DENND1A: variants seen among roughly 807,000 people sequenced by gnomAD.
DENND1A encodes the protein DENN domain-containing protein 1A.
Under a neutral mutation model 113.7 loss-of-function variants are expected in DENND1A, and 51 were observed. The observed-to-expected ratio is 0.45, with a 90% CI of 0.36 to 0.57. The LOEUF (loss-of-function observed/expected upper bound fraction) is 0.57, where lower values mean the gene tolerates loss of function less well. Ranked by LOEUF, DENND1A falls within the 20% of genes least tolerant of loss-of-function variation. DENND1A has a pLI of 0.00. For synonymous variants in DENND1A, 565 were observed against 570.8 expected (o/e 0.99, Z 0.14); for missense variants, 1,258 against 1,395.9 (o/e 0.90, Z 1.57).
At chr9:123,665,828 T>C (rs2063468851) in intron 8 of DENND1A, among the ~76,000 whole-genome samples, 1 of 152,220 alleles carries the variant, frequency 6.6e-6, no homozygotes, top group Non-Finnish European at 1.5e-5. Flanking sequence ...GATGAACAGA[T>C]ACGCAAAATG....
At chr9:123,387,589 G>T (rs1410106889) in intron 22 of DENND1A, 141 bp downstream of exon 22, 69 of 960,780 alleles carry the variant, frequency 7.2e-5, no homozygotes, top group Non-Finnish European at 9.5e-5. Context: ...CTGCATGTTG[G>T]CACTGGGGCA....
intron 2 of DENND1A, among the ~76,000 whole-genome samples, chr9:123,818,987 A>G (rs1020213480): frequency 6.6e-6 from 1 of 152,258 alleles, no homozygotes; most frequent in African/African-American, 2.4e-5. Context: ...CCAGCAAGTC[A>G]GCATCACCTA....
intron 1 of DENND1A, among the ~76,000 whole-genome samples, chr9:123,903,728 C>G (rs1414507826): frequency 6.6e-6 from 1 of 152,236 alleles, no homozygotes; most frequent in Non-Finnish European, 1.5e-5. Context: ...CCTACACCCA[C>G]GGTGTCTCGC....
At chr9:123,729,999 G>T (rs2130842693) in intron 5 of DENND1A, among the ~76,000 whole-genome samples, 1 of 152,234 alleles carries the variant, frequency 6.6e-6, no homozygotes, top group Admixed American at 6.5e-5. Context: ...AGAAAAACAA[G>T]CAATGGGAAA....
At chr9:123,602,596 C>A (rs560044040) in intron 11 of DENND1A, among the ~76,000 whole-genome samples, 6 of 152,238 alleles carry the variant, frequency 3.9e-5, no homozygotes, top group Non-Finnish European at 7.3e-5. Flanking sequence ...AAGTCTCCTC[C>A]AACCCTTTCC....
intron 5 of DENND1A, among the ~76,000 whole-genome samples, chr9:123,754,171 T>C (rs1384447997): frequency 6.6e-6 from 1 of 152,094 alleles, no homozygotes; most frequent in South Asian, 2.1e-4. Flanking sequence ...AGAGAAAGTA[T>C]CTAAAGGAAG....
In DENND1A at chr9:123,382,295, T is replaced by C; in HGVS notation, c.2350A>G (p.Lys784Glu). The C allele has an allele frequency of 6.2e-7, 1 of 1,610,968 alleles. No individual in the cohort carries two copies. Residue 784 changes from lysine (K) to glutamate (E), a missense_variant, in exon 24 of 24, where the codon AAG becomes GAG. This residue lies in a region of DENND1A where 1,159 missense variants were observed against 1,231.7 expected (regional missense o/e 0.94). Transcript: ENST00000394215. Reference sequence around the variant, plus strand: ...AGTGCGGCGCCGGCAGCCTGGAGCTTGGCCGGGCGGGGAATGGGCGGTGGA... The same window carrying C: ...AGTGCGGCGCCGGCAGCCTGGAGCTCGGCCGGGCGGGGAATGGGCGGTGGA... ...VPPPPIPRPA[K>E]LQAAGAALGD... is the part of the protein sequence containing the mutation.
intron 5 of DENND1A, among the ~76,000 whole-genome samples, chr9:123,710,673 GTTT>G (rs11392793): frequency 7.2e-6 from 1 of 138,978 alleles, no homozygotes; most frequent in African/African-American, 2.6e-5. Flanking sequence ...AATCTTGGAG[GTTT>G]TTTTTTTTTT....
At chr9:123,522,581 T>C (rs943840199) in intron 13 of DENND1A, among the ~76,000 whole-genome samples, 12 of 152,196 alleles carry the variant, frequency 7.9e-5, no homozygotes, top group African/African-American at 2.7e-4. Context: ...AAGGGCCATT[T>C]TGTTTCTCTG....
intron 5 of DENND1A, among the ~76,000 whole-genome samples, chr9:123,707,852 A>G (rs1370292940): frequency 6.6e-6 from 1 of 152,204 alleles, no homozygotes; most frequent in Non-Finnish European, 1.5e-5. Flanking sequence ...GATAGGAGAA[A>G]TAGCTACATG....
In DENND1A at chr9:123,382,602, C is replaced by T; in HGVS notation, c.2043G>A (p.Glu681=). Residue 681 remains glutamate (E), a synonymous_variant, in exon 24 of 24, where the codon GAG becomes GAA. Coordinates refer to ENST00000394215, the MANE Select transcript of DENND1A (RefSeq NM_001352964.2). The stretch of plus-strand genomic sequence containing the variant: ...AGGCCACTGTCACCCCGCGGCTCCT[C>T]TCACTCCCGCCCAGATCCAGCCTCT... The part of the protein sequence containing the change: ...DYQRLDLGGS[E]RSRGVTVALK... 1.9e-6 allele frequency: 3 copies of T among 1,614,018 alleles called. No individual in the cohort carries two copies. The highest frequency in any genetic ancestry group is 2.5e-6 in the Non-Finnish European group (3 of 1,180,008).
intron 2 of DENND1A, among the ~76,000 whole-genome samples, chr9:123,820,982 C>A (rs1170804742): frequency 6.6e-6 from 1 of 152,138 alleles, no homozygotes; most frequent in African/African-American, 2.4e-5. Context: ...AAGAAGCATA[C>A]CATTGAAAAA....
intron 2 of DENND1A, among the ~76,000 whole-genome samples, chr9:123,819,790 G>A (rs1838167868): frequency 3.3e-5 from 5 of 152,088 alleles, no homozygotes; most frequent in Admixed American, 6.5e-5. Flanking sequence ...AGCCAGCCTC[G>A]GATCCTAGAG....
chr9:123,689,900 G>C (rs1321796043), intron 5 of DENND1A, among the ~76,000 whole-genome samples: 1 of 151,858 alleles, frequency 6.6e-6, no homozygotes, highest in African/African-American at 2.4e-5. Context: ...GAGGTGGGAA[G>C]ATGGCTTGAG....
chr9:123,560,269 C>A (rs1051184964), intron 12 of DENND1A, among the ~76,000 whole-genome samples: 24 of 152,190 alleles, frequency 1.6e-4, no homozygotes, highest in Admixed American at 5.9e-4. Flanking sequence ...CATGAAGTCA[C>A]CAAGCACAGT....
intron 2 of DENND1A, among the ~76,000 whole-genome samples, chr9:123,861,060 T>A (rs752626695): frequency 6.6e-6 from 1 of 152,190 alleles, no homozygotes; most frequent in Non-Finnish European, 1.5e-5. Context: ...CTAATTTGAC[T>A]AGTAAGAGTC....
chr9:123,384,388 G>A (rs1330112156), intron 22 of DENND1A, among the ~76,000 whole-genome samples: 1 of 152,234 alleles, frequency 6.6e-6, no homozygotes, highest in East Asian at 1.9e-4. Context: ...AAGCTCTCCA[G>A]GGGAGCTGTC....
chr9:123,546,502 A>G (rs531143910), intron 13 of DENND1A, among the ~76,000 whole-genome samples: 15 of 152,180 alleles, frequency 9.9e-5, no homozygotes, highest in East Asian at 3.9e-4. Context: ...CAGTGAGCCT[A>G]GATCGCACCA....
intron 9 of DENND1A, among the ~76,000 whole-genome samples, chr9:123,639,267 T>G (rs911454216): frequency 1.3e-5 from 2 of 150,844 alleles, no homozygotes; most frequent in African/African-American, 4.9e-5. Context: ...GTGAAACCTT[T>G]TCTCTACCAA....
Sources: gnomAD v4.1 joint callset for allele counts (sites outside exome capture counted in the v4.1 genomes callset) on GRCh38, gnomAD v4.1.1 for gene constraint, gnomAD v4.1.1 regional missense constraint, MANE v1.5 for transcripts, NCBI Gene and HGNC (gene_info 2026-07-23, HGNC 2026-07-21) for gene names.